LRGUK: variants seen among roughly 807,000 people sequenced by gnomAD.
LRGUK encodes leucine-rich repeat and guanylate kinase domain-containing protein.
LRGUK carries 65 observed loss-of-function variants against 76.0 expected under a neutral mutation model. The ratio of observed to expected loss-of-function variants is 0.85; its 90% confidence interval spans 0.70 to 1.05. The LOEUF is 1.05. LRGUK is among the 50% of genes least tolerant of loss of function. LRGUK has a pLI of 0.00. For missense variants in LRGUK, 758 were observed against 732.8 expected, an observed-to-expected ratio of 1.03 and a Z score of -0.40; for synonymous variants, 268 against 265.6, an observed-to-expected ratio of 1.01 and a Z score of -0.09.
chr7:134,266,286 A>T (rs1374545063), downstream of LRGUK, among the ~76,000 whole-genome samples: 1 of 152,240 alleles, frequency 6.6e-6, no homozygotes, highest in African/African-American at 2.4e-5. Flanking sequence ...AAGACCATCA[A>T]TATATGCCCA....
chr7:134,178,953 G>C (rs938176473), intron 10 of LRGUK, among the ~76,000 whole-genome samples: 5 of 5,614 alleles, frequency 8.9e-4, no homozygotes, highest in African/African-American at 2.5e-3. Context: ...AAAAAACCAG[G>C]ACCAATTTTT....
intron 7 of LRGUK, among the ~76,000 whole-genome samples, chr7:134,165,085 A>G (rs181806031): frequency 6.6e-6 from 1 of 152,304 alleles, no homozygotes; most frequent in East Asian, 1.9e-4. Flanking sequence ...AAAGGGTGGA[A>G]AGCTCTCATT....
At chr7:134,192,263 A>G (rs1414660171) in intron 12 of LRGUK, among the ~76,000 whole-genome samples, 1 of 152,296 alleles carries the variant, frequency 6.6e-6, no homozygotes, top group East Asian at 1.9e-4. Flanking sequence ...TGTTCTGGAC[A>G]TGTTACCATG....
chr7:134,276,288 T>C, the LRGUK span, among the ~76,000 whole-genome samples: 1 of 152,240 alleles, frequency 6.6e-6, no homozygotes, highest in African/African-American at 2.4e-5. Flanking sequence ...TTGACAGGCA[T>C]GTCTAACTAT....
At chr7:134,183,228 T>G (rs1799832962) in intron 10 of LRGUK, among the ~76,000 whole-genome samples, 1 of 152,242 alleles carries the variant, frequency 6.6e-6, no homozygotes, top group South Asian at 2.1e-4. Context: ...AGAAACATCT[T>G]CATTAGCTTC....
At chr7:134,163,565 G>A (rs372601585) in intron 7 of LRGUK, 25 bp downstream of exon 7, 2 of 1,584,770 alleles carry the variant, frequency 1.3e-6, no homozygotes, top group Admixed American at 3.4e-5. Context: ...CACATGTCTT[G>A]GTTTCAGTGT....
At chr7:134,276,479 G>T in the LRGUK span, among the ~76,000 whole-genome samples, 7 of 152,288 alleles carry the variant, frequency 4.6e-5, no homozygotes, top group South Asian at 1.2e-3. Flanking sequence ...ACAGAAAGGT[G>T]GGGGACAGGG....
At chr7:134,171,570 G>A (rs1799249234) in intron 7 of LRGUK, among the ~76,000 whole-genome samples, 1 of 151,932 alleles carries the variant, frequency 6.6e-6, no homozygotes, top group African/African-American at 2.4e-5. Flanking sequence ...AATGGTAAAA[G>A]AAGAAAAGAA....
chr7:134,180,328 CCATCCAT>C (rs1258567756), intron 10 of LRGUK, among the ~76,000 whole-genome samples: 10 of 148,816 alleles, frequency 6.7e-5, no homozygotes, highest in African/African-American at 2.5e-4. Flanking sequence ...ATCCATCCAT[CCATCCAT>C]CCAATCTATT....
At chr7:134,263,972 G>A (rs1172620965) in exon 20 of LRGUK, 2 of 1,608,584 alleles carry the variant, frequency 1.2e-6, no homozygotes, top group Non-Finnish European at 1.7e-6. Flanking sequence ...AGGGCCGCAG[G>A]TAGACTAGCA....
At chr7:134,158,188 A>G in intron 6 of LRGUK, 29 bp downstream of exon 6, 3 of 1,590,532 alleles carry the variant, frequency 1.9e-6, no homozygotes, top group Non-Finnish European at 2.6e-6. Context: ...TGTTCTTTAT[A>G]GAAGTAGTAG....
intron 10 of LRGUK, among the ~76,000 whole-genome samples, chr7:134,182,051 C>CT (rs1410017340): frequency 6.6e-6 from 1 of 152,206 alleles, no homozygotes; most frequent in Non-Finnish European, 1.5e-5. Context: ...GTCCCTGTCT[C>CT]TATCTATAAT....
intron 19 of LRGUK, among the ~76,000 whole-genome samples, chr7:134,258,863 G>A (rs1296196502): frequency 1.3e-5 from 2 of 152,088 alleles, no homozygotes; most frequent in Admixed American, 1.3e-4. Flanking sequence ...GTGTTATTTT[G>A]TTGCCCATTG....
chr7:134,193,848 G>A (rs771991774), intron 12 of LRGUK, among the ~76,000 whole-genome samples: 23 of 151,952 alleles, frequency 1.5e-4, no homozygotes, highest in African/African-American at 5.1e-4. Context: ...GCCCACTGAC[G>A]GACAGCCTTG....
At chr7:134,186,436 T>C (rs766066708) in intron 11 of LRGUK, among the ~76,000 whole-genome samples, 1 of 152,236 alleles carries the variant, frequency 6.6e-6, no homozygotes, top group Non-Finnish European at 1.5e-5. Context: ...TTGTTCACCA[T>C]TGAGTTCTCA....
At chr7:134,264,749 A>AGTAT (rs1802826091), downstream of LRGUK, among the ~76,000 whole-genome samples, 1 of 152,222 alleles carries the variant, frequency 6.6e-6, no homozygotes, top group Non-Finnish European at 1.5e-5. Context: ...AGTATGTCCC[A>AGTAT]GTAGGCTATC....
intron 16 of LRGUK, among the ~76,000 whole-genome samples, chr7:134,226,455 T>C (rs748178940): frequency 6.6e-5 from 10 of 152,300 alleles, no homozygotes; most frequent in Non-Finnish European, 1.5e-4. Flanking sequence ...GATTACAAAA[T>C]AACGAGGCTG....
At chr7:134,159,811 A>G (rs1228579304) in intron 6 of LRGUK, among the ~76,000 whole-genome samples, 1 of 152,082 alleles carries the variant, frequency 6.6e-6, no homozygotes, top group Non-Finnish European at 1.5e-5. Flanking sequence ...CAAACAAAAA[A>G]ACATCAACCA....
intron 11 of LRGUK, among the ~76,000 whole-genome samples, chr7:134,190,702 A>G (rs917433223): frequency 2.0e-5 from 3 of 152,188 alleles, no homozygotes; most frequent in African/African-American, 7.2e-5. Flanking sequence ...TGGAGTTCTT[A>G]GCAGCTGTTA....
Sources: gnomAD v4.1 joint callset for allele counts (sites outside exome capture counted in the v4.1 genomes callset) on GRCh38, gnomAD v4.1.1 for gene constraint, MANE v1.5 for transcripts, NCBI Gene and HGNC (gene_info 2026-07-23, HGNC 2026-07-21) for gene names.